Variants in CHD1L observed in about 807,000 individuals in gnomAD.
CHD1L encodes the protein ATP-dependent chromatin remodeler CHD1L.
Under a neutral mutation model 115.9 loss-of-function variants are expected in CHD1L, and 118 were observed. The observed-to-expected ratio is 1.02, with a 90% CI of 0.88 to 1.19. The LOEUF (loss-of-function observed/expected upper bound fraction) is 1.19. CHD1L is among the 50% of genes most tolerant of loss of function. CHD1L has a pLI of 0.00. For synonymous variants in CHD1L, 411 were observed against 387.1 expected (o/e 1.06, Z -0.72); for missense variants, 1,179 against 1,065.3 (o/e 1.11, Z -1.49).
the CHD1L span, among the ~76,000 whole-genome samples, chr1:147,185,064 A>G: frequency 6.6e-6 from 1 of 152,128 alleles, no homozygotes; most frequent in Non-Finnish European, 1.5e-5. Context: ...TAAATTGATG[A>G]ATATTATTAG....
At chr1:147,287,782 A>C in intron 19 of CHD1L, 49 bp downstream of exon 19, 2 of 1,472,750 alleles carry the variant, frequency 1.4e-6, no homozygotes, top group Non-Finnish European at 1.9e-6. Context: ...AAGAGAGAAG[A>C]GGACACCTAA....
the CHD1L span, among the ~76,000 whole-genome samples, chr1:147,222,685 C>T: frequency 6.6e-6 from 1 of 152,284 alleles, no homozygotes. Flanking sequence ...TGATGAAACA[C>T]AGCTTATTTA....
At chr1:147,219,715 C>T in the CHD1L span, among the ~76,000 whole-genome samples, 14 of 149,288 alleles carry the variant, frequency 9.4e-5, no homozygotes, top group East Asian at 2.0e-4. Context: ...ATGACCTGAC[C>T]GTCTATGTAG....
chr1:147,208,255 C>T, the CHD1L span, among the ~76,000 whole-genome samples: 1 of 152,008 alleles, frequency 6.6e-6, no homozygotes, highest in African/African-American at 2.4e-5. Flanking sequence ...GCACTGTCCT[C>T]AGCTATCATT....
chr1:147,187,020 G>A, the CHD1L span: 23 of 1,614,168 alleles, frequency 1.4e-5, no homozygotes, highest in Non-Finnish European at 1.7e-5. Context: ...GCTTCCTGAT[G>A]CGATCATCTG....
chr1:147,208,650 G>C, the CHD1L span: 4 of 459,702 alleles, frequency 8.7e-6, no homozygotes, highest in Non-Finnish European at 1.6e-5. Context: ...TGTTGGCCAG[G>C]ATGGTCTCAA....
At chr1:147,260,122 CA>C in intron 6 of CHD1L, 1 of 429,778 alleles carries the variant, frequency 2.3e-6, no homozygotes, top group Non-Finnish European at 4.2e-6. Context: ...ACCAGAGTGG[CA>C]CAGTTGTTGC....
chr1:147,239,875 GA>G (rs1664715952), upstream of CHD1L, among the ~76,000 whole-genome samples: 1 of 152,182 alleles, frequency 6.6e-6, no homozygotes, highest in East Asian at 1.9e-4. Flanking sequence ...TCTACTGGTA[GA>G]ATCTAGAGGA....
chr1:147,281,114 C>T (rs1228392707), intron 15 of CHD1L, among the ~76,000 whole-genome samples: 1 of 152,184 alleles, frequency 6.6e-6, no homozygotes, highest in Non-Finnish European at 1.5e-5. Flanking sequence ...CTTCCCACTT[C>T]TAAGTTGTCT....
At chr1:147,291,409 G>A (rs1685478528) in intron 19 of CHD1L, 73 bp from the exon 20 acceptor site, 5 of 1,273,774 alleles carry the variant, frequency 3.9e-6, no homozygotes, top group Middle Eastern at 1.8e-4. Flanking sequence ...TTTGAAGAAG[G>A]CGAGATACGA....
chr1:147,212,770 T>C, the CHD1L span, among the ~76,000 whole-genome samples: 1 of 152,216 alleles, frequency 6.6e-6, no homozygotes, highest in Non-Finnish European at 1.5e-5. Flanking sequence ...CAGGATGTGT[T>C]TGTATTTTGG....
chr1:147,293,736 C>T lies in CHD1L; in HGVS notation c.2506+14C>T. 1.3e-6 allele frequency: 2 copies of T among 1,593,350 alleles called. No homozygotes were observed. The highest frequency in any genetic ancestry group is 1.7e-4 in the Middle Eastern group (1 of 6,010). ...AAAAGAAGAAAGGTAAGCTCTTCCACCTGTGCTCAAGAGTAGATGAATTTG... is the reference window on the plus strand; with the variant it reads ...AAAAGAAGAAAGGTAAGCTCTTCCATCTGTGCTCAAGAGTAGATGAATTTG... On this transcript the variant is annotated intron_variant, in intron 21 of 22. Transcript: ENST00000369258.
At chr1:147,207,620 T>A in the CHD1L span, among the ~76,000 whole-genome samples, 1 of 152,340 alleles carries the variant, frequency 6.6e-6, no homozygotes, top group East Asian at 1.9e-4. Flanking sequence ...TTTCTCTACA[T>A]CTCAGTTTTT....
intron 19 of CHD1L, among the ~76,000 whole-genome samples, chr1:147,290,408 G>A (rs1361128020): frequency 3.9e-5 from 6 of 152,156 alleles, no homozygotes; most frequent in African/African-American, 7.2e-5. Flanking sequence ...GAGAAATGAG[G>A]AAGATTACAT....
chr1:147,178,846 C>T, the CHD1L span: 2 of 1,586,284 alleles, frequency 1.3e-6, no homozygotes, highest in African/African-American at 1.3e-5. Flanking sequence ...TGGTATCTGC[C>T]CTCACATGAC....
intron 10 of CHD1L, among the ~76,000 whole-genome samples, chr1:147,269,869 G>A (rs1553951576): frequency 6.6e-6 from 1 of 152,060 alleles, no homozygotes; most frequent in Non-Finnish European, 1.5e-5. Flanking sequence ...TTCAGATTTG[G>A]CAAAATTGCT....
At chr1:147,204,750 C>G in the CHD1L span, 1 of 1,529,852 alleles carries the variant, frequency 6.5e-7, no homozygotes, top group Non-Finnish European at 9.1e-7. Context: ...CAAACAACTT[C>G]TCCAAGTGGT....
At chr1:147,194,214 A>G in the CHD1L span, among the ~76,000 whole-genome samples, 1 of 152,180 alleles carries the variant, frequency 6.6e-6, no homozygotes, top group Non-Finnish European at 1.5e-5. Flanking sequence ...ATATATATTT[A>G]GGATAGTTAG....
chr1:147,199,415 G>A, the CHD1L span, among the ~76,000 whole-genome samples: 327 of 152,242 alleles, frequency 2.1e-3, 1 homozygote, highest in African/African-American at 7.7e-3. Flanking sequence ...CTTCCTTCCA[G>A]GTGTTAGAAA....
Sources: allele counts gnomAD v4.1 joint callset (sites outside exome capture counted in the v4.1 genomes callset), GRCh38; gene constraint gnomAD v4.1.1; transcripts MANE v1.5; gene names NCBI Gene and HGNC (gene_info 2026-07-23, HGNC 2026-07-21).